Variants in SCHIP1 observed in about 807,000 individuals in gnomAD.
SCHIP1 encodes the protein schwannomin interacting protein 1.
In SCHIP1, 8 loss-of-function variants were observed where a neutral mutation model predicts 29.7. The observed-to-expected ratio is 0.27, with a 90% CI of 0.16 to 0.49. SCHIP1 has a LOEUF of 0.49. Ranked by LOEUF, SCHIP1 falls within the 20% of genes least tolerant of loss-of-function variation. SCHIP1 has a pLI of 0.99. For synonymous variants in SCHIP1, 76 were observed against 94.9 expected, an observed-to-expected ratio of 0.80 and a Z score of 1.16; for missense variants, 193 against 294.6, an observed-to-expected ratio of 0.66 and a Z score of 2.52.
chr3:159,561,921 A>G, the SCHIP1 span, among the ~76,000 whole-genome samples: 10 of 152,270 alleles, frequency 6.6e-5, no homozygotes, highest in Non-Finnish European at 1.2e-4. Flanking sequence ...TTTCCCAGTA[A>G]TTGTTTCCTT....
At chr3:159,699,416 C>G in the SCHIP1 span, among the ~76,000 whole-genome samples, 11 of 152,244 alleles carry the variant, frequency 7.2e-5, no homozygotes, top group Non-Finnish European at 1.0e-4. Flanking sequence ...GGCTGGGTCT[C>G]TCTCCGAGGG....
the SCHIP1 span, among the ~76,000 whole-genome samples, chr3:159,438,942 A>G: frequency 6.6e-6 from 1 of 152,176 alleles, no homozygotes; most frequent in Non-Finnish European, 1.5e-5. Flanking sequence ...ATAGTGCTGC[A>G]ATGAACACAT....
At chr3:159,558,163 T>A in the SCHIP1 span, among the ~76,000 whole-genome samples, 2 of 152,174 alleles carry the variant, frequency 1.3e-5, no homozygotes, top group Non-Finnish European at 2.9e-5. Flanking sequence ...ATAAGGGGGT[T>A]TGAGGAACTC....
chr3:159,683,376 A>G, the SCHIP1 span, among the ~76,000 whole-genome samples: 2 of 151,878 alleles, frequency 1.3e-5, no homozygotes, highest in Non-Finnish European at 2.9e-5. Flanking sequence ...TAAATGTGCT[A>G]TGTAGATCTT....
At chr3:159,524,254 A>G in the SCHIP1 span, among the ~76,000 whole-genome samples, 1 of 152,212 alleles carries the variant, frequency 6.6e-6, no homozygotes, top group African/African-American at 2.4e-5. Flanking sequence ...TTAGGACAAA[A>G]GACTGGTTTC....
chr3:159,547,481 C>A, the SCHIP1 span, among the ~76,000 whole-genome samples: 1,278 of 152,076 alleles, frequency 8.4e-3, 21 homozygotes, highest in African/African-American at 0.03. Flanking sequence ...AGTTATGAAG[C>A]CTTTGCCCAT....
At chr3:159,825,718 C>G in the SCHIP1 span, among the ~76,000 whole-genome samples, 3 of 151,976 alleles carry the variant, frequency 2.0e-5, no homozygotes, top group African/African-American at 7.3e-5. Flanking sequence ...TGCTCTCTCA[C>G]GGAGCATACA....
the SCHIP1 span, among the ~76,000 whole-genome samples, chr3:159,607,851 C>T: frequency 6.6e-6 from 1 of 152,122 alleles, no homozygotes; most frequent in Non-Finnish European, 1.5e-5. Flanking sequence ...TCAAGTTTGA[C>T]ATACATATAA....
the SCHIP1 span, among the ~76,000 whole-genome samples, chr3:159,464,981 A>G: frequency 1.3e-5 from 2 of 152,282 alleles, no homozygotes; most frequent in Non-Finnish European, 2.9e-5. Flanking sequence ...GAAAGAATGT[A>G]GCCTAAAGCA....
chr3:159,844,109 C>G (rs1711511054), intron 1 of SCHIP1, among the ~76,000 whole-genome samples: 1 of 152,214 alleles, frequency 6.6e-6, no homozygotes, highest in Admixed American at 6.5e-5. Flanking sequence ...CCCCCTTCCT[C>G]TTGTGTCATT....
chr3:159,403,139 G>A, the SCHIP1 span, among the ~76,000 whole-genome samples: 6 of 152,134 alleles, frequency 3.9e-5, no homozygotes, highest in African/African-American at 4.8e-5. Context: ...CCTTTAATGG[G>A]CAAATAAAAT....
At chr3:159,870,199 C>T (rs1351766434) in intron 2 of SCHIP1, among the ~76,000 whole-genome samples, 3 of 151,902 alleles carry the variant, frequency 2.0e-5, no homozygotes, top group Non-Finnish European at 4.4e-5. Context: ...TATTCATTTT[C>T]AATTCTCATG....
At chr3:159,866,659 A>AC (rs138989783) in intron 2 of SCHIP1, among the ~76,000 whole-genome samples, 6,820 of 152,042 alleles carry the variant, frequency 0.045, 465 homozygotes, top group African/African-American at 0.15. Flanking sequence ...ACCCAGAATC[A>AC]CCCCCCTGAC....
chr3:159,398,729 G>A, the SCHIP1 span: 1 of 152,098 alleles, frequency 6.6e-6, no homozygotes, highest in African/African-American at 2.4e-5. Flanking sequence ...TGAGAGATTA[G>A]GAGACTCAAA....
At chr3:159,698,933 A>T in the SCHIP1 span, among the ~76,000 whole-genome samples, 1 of 152,198 alleles carries the variant, frequency 6.6e-6, no homozygotes, top group Admixed American at 6.5e-5. Context: ...GGTGTGAGCC[A>T]CCGCACTGGT....
chr3:159,832,242 C>T, the SCHIP1 span, among the ~76,000 whole-genome samples: 1 of 152,154 alleles, frequency 6.6e-6, no homozygotes, highest in Non-Finnish European at 1.5e-5. Context: ...GCCACCACAA[C>T]TTCCTCTTTA....
chr3:159,664,514 T>A, the SCHIP1 span, among the ~76,000 whole-genome samples: 3 of 152,106 alleles, frequency 2.0e-5, no homozygotes, highest in South Asian at 2.1e-4. Context: ...AATAAAAAAA[T>A]GTTGTAAAAG....
At chr3:159,858,587 C>G (rs1464908868) in intron 1 of SCHIP1, among the ~76,000 whole-genome samples, 1 of 152,198 alleles carries the variant, frequency 6.6e-6, no homozygotes, top group African/African-American at 2.4e-5. Context: ...ACCATCCTCA[C>G]AGTTAGTTAT....
chr3:159,658,512 C>T, the SCHIP1 span, among the ~76,000 whole-genome samples: 4 of 152,264 alleles, frequency 2.6e-5, no homozygotes, highest in South Asian at 8.3e-4. Flanking sequence ...GTCCAAGATA[C>T]CCCATTCCCA....
Sources: gnomAD v4.1 joint callset for allele counts (sites outside exome capture counted in the v4.1 genomes callset) on GRCh38, gnomAD v4.1.1 for gene constraint, MANE v1.5 for transcripts, NCBI Gene and HGNC (gene_info 2026-07-23, HGNC 2026-07-21) for gene names.